The following CELSR1 variants were observed in gnomAD, a reference collection of about 807,000 sequenced individuals.
The protein encoded by CELSR1 is adhesion G protein-coupled receptor C1.
CELSR1 carries 110 observed loss-of-function variants against 249.1 expected under a neutral mutation model. That is an observed-to-expected ratio of 0.44 (90% CI 0.38 to 0.52). The LOEUF (loss-of-function observed/expected upper bound fraction) is 0.52. Ranked by LOEUF, CELSR1 falls within the 20% of genes least tolerant of loss-of-function variation. The pLI is 0.00. For synonymous variants in CELSR1, 2,113 were observed against 1,900.0 expected, an observed-to-expected ratio of 1.11 and a Z score of -2.92; for missense variants, 4,109 against 4,296.4, an observed-to-expected ratio of 0.96 and a Z score of 1.22.
rs1256809639 is a variant in CELSR1 at position 46,433,890 on chromosome 22, G to C, written c.4523-409C>G. On this transcript the variant is annotated intron_variant, in intron 4 of 34. Coordinates refer to ENST00000674500, the MANE Select transcript of CELSR1 (RefSeq NM_001378328.1). This position sits in a 1 kb window ranked among gnomAD's most constrained non-coding sequence, Gnocchi z 5.7. ...AGTAGAGATGGGGTTTCACCATGTT[G>C]GCTAGTCTAGTCTCGAACTCCTGAC... 6.6e-6 allele frequency among the ~76,000 whole-genome samples: 1 copy of C among 152,120 alleles called. No homozygotes were observed. Among genetic ancestry groups the C allele is most frequent in the Non-Finnish European group, 1.5e-5 (1 of 68,022 alleles).
chr22:46,363,251 C>G lies in CELSR1; in HGVS notation c.9036-4G>C. 2 of 1,611,720 alleles carry G rather than the reference C, an allele frequency of 1.2e-6. No individual in the cohort carries two copies. Among genetic ancestry groups the G allele is most frequent in the South Asian group, 2.2e-5 (2 of 91,038 alleles). On this transcript the variant is annotated splice_polypyrimidine_tract_variant and splice_region_variant and intron_variant, in intron 34 of 34. Transcript: ENST00000674500. The surrounding 1 kb of genome is among the most constrained non-coding windows in gnomAD (Gnocchi z 4.3). ...AATTGAAGTTTCATTACTGCCTCTGCGCGTGGGAAGAAGCCAGCAAGCAGG... is the reference window on the plus strand; with the variant it reads ...AATTGAAGTTTCATTACTGCCTCTGGGCGTGGGAAGAAGCCAGCAAGCAGG...
rs2147622991 is a variant in CELSR1, at chr22:46,471,378, T to A, written c.3545-7033A>T. ...TATTAGTTACGTTATTACATTAGCATGGTAGGTTTGGGGGTCTTTTGCTTG... is the reference window on the plus strand; with the variant it reads ...TATTAGTTACGTTATTACATTAGCAAGGTAGGTTTGGGGGTCTTTTGCTTG... On this transcript the variant is annotated intron_variant, in intron 1 of 34. Coordinates refer to ENST00000674500, the MANE Select transcript of CELSR1 (RefSeq NM_001378328.1). This position sits in a 1 kb window ranked among gnomAD's most constrained non-coding sequence, Gnocchi z 4.9. Among the ~76,000 whole-genome samples the A allele has an allele frequency of 6.6e-6, 1 of 152,006 alleles. No individual in the cohort carries two copies. Among genetic ancestry groups the A allele is most frequent in the Admixed American group, 6.6e-5 (1 of 15,264 alleles).
At position 46,373,034 on chromosome 22, in the gene CELSR1, G is replaced by A; in HGVS notation, c.7608C>T (p.Ile2536=). 6.2e-7 allele frequency: 1 copy of A among 1,610,452 alleles called. No individual in the cohort carries two copies. Among genetic ancestry groups the A allele is most frequent in the Admixed American group, 1.7e-5 (1 of 59,696 alleles). Reference sequence around the variant, plus strand: ...TGCTCATGTAGATGTAGTGGAGGAGGATGGCAACCACTGTGCACAGAAACT... The same window carrying A: ...TGCTCATGTAGATGTAGTGGAGGAGAATGGCAACCACTGTGCACAGAAACT... The part of the protein sequence containing the change: ...ENPFLCTVVA[I]LLHYIYMSTF... Residue 2536 remains isoleucine, a synonymous_variant, in exon 25 of 35, where the codon ATC becomes ATT. Coordinates refer to ENST00000674500, the MANE Select transcript of CELSR1 (RefSeq NM_001378328.1).
chr22:46,386,362 T>C, intron 19 of CELSR1, 40 bp downstream of exon 19: 1 of 1,488,554 alleles, frequency 6.7e-7, no homozygotes, highest in East Asian at 2.5e-5. Flanking sequence ...ACACCCCTGA[T>C]GGTAGCAGGG....
At chr22:46,509,170 C>T (rs6008881) in intron 1 of CELSR1, among the ~76,000 whole-genome samples, 1 of 152,052 alleles carries the variant, frequency 6.6e-6, no homozygotes, top group Non-Finnish European at 1.5e-5. Context: ...GCTCCCATGG[C>T]CAAGTCCTAG....
At chr22:46,494,005 G>C (rs1008679844) in intron 1 of CELSR1, among the ~76,000 whole-genome samples, 2 of 152,082 alleles carry the variant, frequency 1.3e-5, no homozygotes, top group Non-Finnish European at 2.9e-5. Flanking sequence ...CTGGAAAACA[G>C]GTCAAAAAAG....
At position 46,436,503 on chromosome 22, in the gene CELSR1, G is replaced by A. The variant is rs2079663147; in HGVS notation, c.4407-214C>T. On this transcript the variant is annotated intron_variant, in intron 3 of 34. Transcript: ENST00000674500. The surrounding 1 kb of genome is among the most constrained non-coding windows in gnomAD (Gnocchi z 5.9). ...GGAAGCAGCAAACCAGAATCCATGG[G>A]GAGTCTGGTTACTACGGCCTGTAGA... Among the ~76,000 whole-genome samples the A allele has an allele frequency of 6.6e-6, 1 of 152,190 alleles. No individual in the cohort carries two copies. The highest frequency in any genetic ancestry group is 6.5e-5 in the Admixed American group (1 of 15,284).
chr22:46,506,165 A>T lies in CELSR1; in HGVS notation c.3544+27462T>A, dbSNP rs2080512047. 8.1e-6 allele frequency among the ~76,000 whole-genome samples: 1 copy of T among 123,264 alleles called. No individual in the cohort carries two copies. The highest frequency in any genetic ancestry group is 1.7e-5 in the Non-Finnish European group (1 of 60,150). The allele number at this position is 123,264 out of a possible 152,430, so 80.9% of individuals were successfully genotyped here. A position where few individuals can be genotyped will look rare whatever the true frequency, so the allele number is the denominator to read the frequency against. ...TTGCAGTCCAGCCTGGGCGACAGAG[A>T]CTGTCTCCAAAAAAAAAAAAAAAAA... On this transcript the variant is annotated intron_variant, in intron 1 of 34. Transcript: ENST00000674500. The surrounding 1 kb of genome is among the most constrained non-coding windows in gnomAD (Gnocchi z 4.1).
At position 46,409,983 on chromosome 22, in the gene CELSR1, T is replaced by C; in HGVS notation, c.4934-103A>G. 2.0e-6 allele frequency: 3 copies of C among 1,501,976 alleles called. No individual in the cohort carries two copies. Among genetic ancestry groups the C allele is most frequent in the Non-Finnish European group, 2.7e-6 (3 of 1,103,552 alleles). The allele number at this position is 1,501,976 out of a possible 1,614,324, so 93.0% of individuals were successfully genotyped here. On this transcript the variant is annotated intron_variant, in intron 7 of 34. Coordinates refer to ENST00000674500, the MANE Select transcript of CELSR1 (RefSeq NM_001378328.1). This position sits in a 1 kb window ranked among gnomAD's most constrained non-coding sequence, Gnocchi z 9.8. ...AACCAGGACGGAATGGACCCGGGGC[T>C]GGACAGAAGTCAGACCAGGTCTGAA... is the stretch of plus-strand genomic sequence containing the variant.
chr22:46,404,007 A>C (rs977901591), intron 9 of CELSR1, among the ~76,000 whole-genome samples: 3 of 151,718 alleles, frequency 2.0e-5, no homozygotes, highest in Non-Finnish European at 4.4e-5. Context: ...AAGAAAAAAA[A>C]AACTGACTAG....
Position 46,449,951 on chromosome 22 carries a change from C to CACACTCACAT in CELSR1, c.4184-10541_4184-10540insATGTGAGTGT, listed in dbSNP as rs557733167. 8.1e-4 allele frequency among the ~76,000 whole-genome samples: 123 copies of CACACTCACAT among 152,214 alleles called. 1 individual carries two copies. The highest frequency in any genetic ancestry group is 2.9e-3 in the African/African-American group (122 of 41,504). ...ACGTGCTCACACACACTCACATGCA[C>CACACTCACAT]GCACTCACATGCTCACACACACTCA... On this transcript the variant is annotated intron_variant, in intron 2 of 34. Coordinates refer to ENST00000674500, the MANE Select transcript of CELSR1 (RefSeq NM_001378328.1).
chr22:46,383,097 G>A (rs1176014808), intron 20 of CELSR1, among the ~76,000 whole-genome samples: 2 of 152,078 alleles, frequency 1.3e-5, no homozygotes, highest in African/African-American at 4.8e-5. Context: ...ATGGCTTGGT[G>A]CCCCGCCCTT....
chr22:46,486,877 G>C (rs2080318234), intron 1 of CELSR1, among the ~76,000 whole-genome samples: 1 of 151,994 alleles, frequency 6.6e-6, no homozygotes, highest in Non-Finnish European at 1.5e-5. Flanking sequence ...CATGCATCAG[G>C]ACACGTCCAC....
rs2079185670 is a variant in CELSR1 at position 46,399,315 on chromosome 22, C to T, written c.5412+402G>A. On this transcript the variant is annotated intron_variant, in intron 10 of 34. Transcript: ENST00000674500. The surrounding 1 kb of genome is among the most constrained non-coding windows in gnomAD (Gnocchi z 5.0). ...AGGCCTGTCCAGGACCTGGGTCTCA[C>T]TGCTCTCCCAGTTTTGCTCCCCATC... 6.6e-6 allele frequency among the ~76,000 whole-genome samples: 1 copy of T among 152,244 alleles called. No homozygotes were observed.
At chr22:46,529,555 C>A (rs546134495) in intron 1 of CELSR1, among the ~76,000 whole-genome samples, 1 of 152,192 alleles carries the variant, frequency 6.6e-6, no homozygotes, top group South Asian at 2.1e-4. Context: ...GTAATCCCAG[C>A]CCTTTGGGAG....
At chr22:46,365,776 A>G (rs1602020135) in intron 30 of CELSR1, 87 bp from the exon 31 acceptor site, 2 of 916,904 alleles carry the variant, frequency 2.2e-6, no homozygotes, top group East Asian at 6.6e-5. Flanking sequence ...CTCTGCCCCT[A>G]CCCCTTCTGT....
chr22:46,422,144 CGCCCAGGCTAGAGTGCAG>C (rs1309104361), intron 5 of CELSR1, among the ~76,000 whole-genome samples: 1 of 152,028 alleles, frequency 6.6e-6, no homozygotes, highest in East Asian at 1.9e-4. Context: ...CTCACTCTGT[CGCCCAGGCTAGAGTGCAG>C]TGGCACGGTC....
At chr22:46,379,826 C>T (rs1279402656) in intron 22 of CELSR1, among the ~76,000 whole-genome samples, 1 of 152,218 alleles carries the variant, frequency 6.6e-6, no homozygotes. Flanking sequence ...TCCTGCATGG[C>T]GTCTCCCCTT....
In CELSR1 at chr22:46,413,590, C is replaced by T. The variant is rs892013606; in HGVS notation, c.4612-1831G>A. 2.0e-5 allele frequency among the ~76,000 whole-genome samples: 3 copies of T among 152,180 alleles called. No homozygotes were observed. Among genetic ancestry groups the T allele is most frequent in the African/African-American group, 7.2e-5 (3 of 41,438 alleles). On this transcript the variant is annotated intron_variant, in intron 5 of 34. Transcript: ENST00000674500. This position sits in a 1 kb window ranked among gnomAD's most constrained non-coding sequence, Gnocchi z 4.7. ...TCCCACACGCCCTTGTCTGTAAATC[C>T]AAGGGAGGCTTCTACCATGACCCCT...
Sources: allele counts gnomAD v4.1 joint callset (sites outside exome capture counted in the v4.1 genomes callset), GRCh38; gene constraint gnomAD v4.1.1; non-coding constraint Gnocchi (gnomAD v3.1); transcripts MANE v1.5; gene names NCBI Gene and HGNC (gene_info 2026-07-23, HGNC 2026-07-21).